TPTE2: variants seen among roughly 807,000 people sequenced by gnomAD.
TPTE2 encodes phosphatidylinositol 3,4,5-trisphosphate 3-phosphatase TPTE2.
Under a neutral mutation model 78.6 loss-of-function variants are expected in TPTE2, and 53 were observed. The observed-to-expected ratio is 0.67, with a 90% CI of 0.54 to 0.85. TPTE2 has a LOEUF of 0.85. Among genes scored for constraint, TPTE2 ranks in the 40% least tolerant of loss-of-function variants. The pLI is 0.00. For synonymous variants in TPTE2, 175 were observed against 206.2 expected (o/e 0.85, Z 1.30); for missense variants, 461 against 623.0 (o/e 0.74, Z 2.77).
upstream of TPTE2, among the ~76,000 whole-genome samples, chr13:19,506,202 C>T (rs1411401990): frequency 2.2e-4 from 11 of 51,034 alleles, no homozygotes; most frequent in East Asian, 7.0e-4. Context: ...GACGGAGTCT[C>T]GCTCTGTCGC....
intron 15 of TPTE2, among the ~76,000 whole-genome samples, chr13:19,434,482 C>A (rs377464891): frequency 6.6e-6 from 1 of 152,142 alleles, no homozygotes; most frequent in Admixed American, 6.5e-5. Context: ...TTGCCATTGG[C>A]AGTGGGGACA....
intron 13 of TPTE2, among the ~76,000 whole-genome samples, chr13:19,442,612 A>G (rs1877569284): frequency 6.6e-6 from 1 of 152,080 alleles, no homozygotes; most frequent in South Asian, 2.1e-4. Context: ...ACCACCAATA[A>G]GGCCAAAAAT....
chr13:19,508,123 CTA>C (rs1400442582), upstream of TPTE2, among the ~76,000 whole-genome samples: 1 of 152,122 alleles, frequency 6.6e-6, no homozygotes, highest in African/African-American at 2.4e-5. Context: ...GTGAGACTGA[CTA>C]TATAATTCCT....
the TPTE2 span, among the ~76,000 whole-genome samples, chr13:19,551,520 A>G: frequency 2.6e-5 from 4 of 152,212 alleles, no homozygotes; most frequent in Admixed American, 1.3e-4. Flanking sequence ...CGGGAGGCAA[A>G]GGTTGCAGTG....
intron 1 of TPTE2, among the ~76,000 whole-genome samples, chr13:19,536,215 C>T (rs909886451): frequency 9.2e-5 from 14 of 152,048 alleles, no homozygotes; most frequent in Admixed American, 2.6e-4. Flanking sequence ...CTACTAATGA[C>T]GAGGCACTGC....
chr13:19,493,457 G>C, exon 2 of TPTE2: 1 of 1,613,628 alleles, frequency 6.2e-7, no homozygotes, highest in South Asian at 1.1e-5. Flanking sequence ...CCTTTCTTTC[G>C]CAGGTGCCTC....
At chr13:19,500,439 A>G (rs1439615321) in intron 1 of TPTE2, among the ~76,000 whole-genome samples, 2 of 151,822 alleles carry the variant, frequency 1.3e-5, no homozygotes, top group East Asian at 3.9e-4. Flanking sequence ...GCACATCAAA[A>G]AGCTTATCCA....
At chr13:19,552,149 T>A in the TPTE2 span, among the ~76,000 whole-genome samples, 1 of 152,302 alleles carries the variant, frequency 6.6e-6, no homozygotes, top group Middle Eastern at 3.4e-3. Context: ...TGCACCTCAT[T>A]AGTGCAATGG....
intron 17 of TPTE2, among the ~76,000 whole-genome samples, chr13:19,428,177 G>A (rs754188966): frequency 2.6e-5 from 4 of 152,152 alleles, no homozygotes; most frequent in South Asian, 2.1e-4. Context: ...GGCCAGGTGC[G>A]GTGGCTCAAG....
chr13:19,502,661 G>T (rs1593404395), intron 1 of TPTE2, among the ~76,000 whole-genome samples: 1 of 145,790 alleles, frequency 6.9e-6, no homozygotes, highest in Non-Finnish European at 1.5e-5. Context: ...GGTAGGGGGA[G>T]GGGGGAGGGA....
At chr13:19,487,306 C>T (rs1189456549) in intron 3 of TPTE2, among the ~76,000 whole-genome samples, 1 of 152,098 alleles carries the variant, frequency 6.6e-6, no homozygotes, top group Non-Finnish European at 1.5e-5. Context: ...CGGTGGTGTG[C>T]CTGCTAGGGG....
intron 1 of TPTE2, among the ~76,000 whole-genome samples, chr13:19,498,843 C>T (rs558404390): frequency 6.6e-6 from 1 of 152,176 alleles, no homozygotes; most frequent in Admixed American, 6.5e-5. Context: ...AATCAAAAGA[C>T]ACAGACTGGC....
intron 10 of TPTE2, among the ~76,000 whole-genome samples, chr13:19,457,146 T>C (rs1878587088): frequency 6.6e-6 from 1 of 152,208 alleles, no homozygotes; most frequent in Non-Finnish European, 1.5e-5. Context: ...TGATACTTTA[T>C]ATCTTTACAA....
At chr13:19,519,883 A>G (rs561941090) in intron 1 of TPTE2, among the ~76,000 whole-genome samples, 22 of 152,292 alleles carry the variant, frequency 1.4e-4, no homozygotes, top group Non-Finnish European at 2.5e-4. Context: ...TGTCATCTTA[A>G]TAGTAATGTC....
At chr13:19,482,761 G>GCATATT (rs903039185) in intron 3 of TPTE2, among the ~76,000 whole-genome samples, 1 of 151,346 alleles carries the variant, frequency 6.6e-6, no homozygotes, top group Non-Finnish European at 1.5e-5. Flanking sequence ...ACTTAATTTT[G>GCATATT]CATATTTTTA....
chr13:19,558,850 T>A, the TPTE2 span, among the ~76,000 whole-genome samples: 3 of 152,256 alleles, frequency 2.0e-5, no homozygotes, highest in Non-Finnish European at 2.9e-5. Context: ...CTTGATGGGT[T>A]AACTAACATA....
chr13:19,501,656 A>G (rs1868566167), intron 1 of TPTE2, among the ~76,000 whole-genome samples: 1 of 152,054 alleles, frequency 6.6e-6, no homozygotes, highest in Non-Finnish European at 1.5e-5. Flanking sequence ...TCAATTCAAG[A>G]TGGATTAAAG....
At position 19,425,970 on chromosome 13, in the gene TPTE2, G is replaced by T. The variant is rs1300890504; in HGVS notation, c.1395+455C>A. The T allele has an allele frequency of 3.5e-5, 14 of 405,042 alleles. No homozygotes were observed. In the Admixed American group the frequency reaches 4.6e-4, roughly 13 times the overall value. The allele number at this position is 405,042 out of a possible 1,614,324, so 25.1% of individuals were successfully genotyped here. A position where few individuals can be genotyped will look rare whatever the true frequency, so the allele number is the denominator to read the frequency against. ...GCTACTCGGGAGGCTGAGGTGGGAGGATTGCTTGAGCCCAGGAGGGTGAAG... is the reference window on the plus strand; with the variant it reads ...GCTACTCGGGAGGCTGAGGTGGGAGTATTGCTTGAGCCCAGGAGGGTGAAG... On this transcript the variant is annotated intron_variant, in intron 18 of 19. Transcript: ENST00000400230.
chr13:19,465,623 A>T, intron 7 of TPTE2, 59 bp from the exon 11 acceptor site: 2 of 1,392,118 alleles, frequency 1.4e-6, no homozygotes. Flanking sequence ...ATCAATATAA[A>T]CTATGTCTAG....
Sources: gnomAD v4.1 joint callset for allele counts (sites outside exome capture counted in the v4.1 genomes callset) on GRCh38, gnomAD v4.1.1 for gene constraint, MANE v1.5 for transcripts, NCBI Gene and HGNC (gene_info 2026-07-23, HGNC 2026-07-21) for gene names.